Variants in KIAA1671 observed in about 807,000 individuals in gnomAD.
KIAA1671 encodes uncharacterized protein KIAA1671.
Under a neutral mutation model 131.2 loss-of-function variants are expected in KIAA1671, and 52 were observed. The ratio of observed to expected loss-of-function variants is 0.40; its 90% CI spans 0.32 to 0.50. The LOEUF (loss-of-function observed/expected upper bound fraction) is 0.50. Among genes scored for constraint, KIAA1671 ranks in the 20% least tolerant of loss-of-function variants. The probability of loss-of-function intolerance (pLI) is 0.73; values close to 1 mark genes in which losing one functional copy is unlikely to be tolerated. For synonymous variants in KIAA1671, 1,003 were observed against 961.6 expected (o/e 1.04, Z -0.80); for missense variants, 2,360 against 2,364.2 (o/e 1.00, Z 0.04).
chr22:25,183,544 G>GT (rs1934366779), intron 10 of KIAA1671, among the ~76,000 whole-genome samples: 4 of 128,980 alleles, frequency 3.1e-5, no homozygotes, highest in African/African-American at 2.9e-5. Context: ...TTCTTTTTTT[G>GT]TTTTTTGAGA....
chr22:25,173,236 A>G (rs557458019), intron 7 of KIAA1671, among the ~76,000 whole-genome samples: 1 of 151,996 alleles, frequency 6.6e-6, no homozygotes, highest in South Asian at 2.1e-4. Context: ...TCCCCCCACC[A>G]GGCCCTTCCT....
rs1210336079 is a variant in KIAA1671, at chr22:25,090,025, G to A, written c.4530+40661G>A. 3.9e-5 allele frequency among the ~76,000 whole-genome samples: 6 copies of A among 152,142 alleles called. No individual in the cohort carries two copies. In the East Asian group the frequency reaches 1.2e-3, roughly 29 times the overall value. The stretch of plus-strand genomic sequence containing the variant: ...TGGTGCGCTGTCAGACATAAACCAG[G>A]TCTGCTGTCTGCCTCCTGGCTCCTG... On this transcript the variant is annotated intron_variant, in intron 6 of 12. Coordinates refer to ENST00000358431, the MANE Select transcript of KIAA1671 (RefSeq NM_001145206.2).
At chr22:24,973,948 G>A (rs2123817817) in intron 1 of KIAA1671, among the ~76,000 whole-genome samples, 1 of 152,262 alleles carries the variant, frequency 6.6e-6, no homozygotes, top group Admixed American at 6.5e-5. Context: ...TAGCAAGCCG[G>A]TGCTGAATGT....
At chr22:25,088,877 T>TACACACACACACACACGTGC (rs1929874597) in intron 6 of KIAA1671, among the ~76,000 whole-genome samples, 1 of 151,122 alleles carries the variant, frequency 6.6e-6, no homozygotes, top group Admixed American at 6.6e-5. Flanking sequence ...TGTACATATG[T>TACACACACACACACACGTGC]ACACACACAC....
intron 6 of KIAA1671, among the ~76,000 whole-genome samples, chr22:25,084,457 CAAAA>C (rs36090380): frequency 2.9e-4 from 37 of 128,450 alleles, no homozygotes; most frequent in Admixed American, 2.3e-3. Flanking sequence ...GACTCTATCT[CAAAA>C]AAAAAAAAAA....
At chr22:25,038,308 G>C (rs1405308613) in intron 4 of KIAA1671, among the ~76,000 whole-genome samples, 7 of 152,200 alleles carry the variant, frequency 4.6e-5, no homozygotes, top group Non-Finnish European at 8.8e-5. Context: ...GGCTGGATCT[G>C]CCTCTTTCTG....
At chr22:24,987,866 T>C (rs1923636659) in intron 1 of KIAA1671, among the ~76,000 whole-genome samples, 1 of 152,174 alleles carries the variant, frequency 6.6e-6, no homozygotes, top group African/African-American at 2.4e-5. Context: ...AAGTAGAACC[T>C]GGATTTGAGC....
chr22:25,008,200 A>C (rs1303485426), intron 1 of KIAA1671, among the ~76,000 whole-genome samples: 4 of 32,972 alleles, frequency 1.2e-4, no homozygotes, highest in Non-Finnish European at 3.2e-4. Flanking sequence ...TCCGTCGCAA[A>C]AAAAAAAAAA....
intron 1 of KIAA1671, among the ~76,000 whole-genome samples, chr22:24,997,098 T>A (rs930194350): frequency 1.3e-5 from 2 of 152,210 alleles, no homozygotes; most frequent in Non-Finnish European, 2.9e-5. Flanking sequence ...CAGCAAATGT[T>A]TATTGTGTAC....
At chr22:25,188,000 A>AT (rs1264560239) in intron 11 of KIAA1671, among the ~76,000 whole-genome samples, 3 of 152,190 alleles carry the variant, frequency 2.0e-5, no homozygotes, top group Non-Finnish European at 4.4e-5. Context: ...GTGTTCTTCC[A>AT]TTTAAAAACG....
At chr22:25,056,764 G>A (rs1264329405) in intron 6 of KIAA1671, 1 of 138,610 alleles carries the variant, frequency 7.2e-6, no homozygotes, top group South Asian at 2.4e-4. Flanking sequence ...AGTGACCCAA[G>A]ATCGGGCCAC....
chr22:25,004,117 AT>A (rs112970400), intron 1 of KIAA1671, among the ~76,000 whole-genome samples: 27,396 of 140,754 alleles, frequency 0.19, 2,869 homozygotes, highest in Middle Eastern at 0.32. Context: ...GTGCCCGGCC[AT>A]TTTTTTTTTT....
At chr22:24,982,566 G>A (rs1335541452) in intron 1 of KIAA1671, among the ~76,000 whole-genome samples, 1 of 152,208 alleles carries the variant, frequency 6.6e-6, no homozygotes, top group Non-Finnish European at 1.5e-5. Context: ...GGTCTGCATG[G>A]GTGAGGGCCT....
chr22:25,093,814 C>CTCTCTT (rs1930234588), intron 6 of KIAA1671, among the ~76,000 whole-genome samples: 1 of 121,254 alleles, frequency 8.2e-6, no homozygotes, highest in African/African-American at 3.2e-5. Flanking sequence ...CTCTCTCTGT[C>CTCTCTT]TCTCTCTCTT....
chr22:25,115,408 A>G (rs1931600514), intron 6 of KIAA1671, among the ~76,000 whole-genome samples: 1 of 152,186 alleles, frequency 6.6e-6, no homozygotes, highest in African/African-American at 2.4e-5. Flanking sequence ...ACCACGTGCA[A>G]ACTGAGTGAC....
In KIAA1671 at chr22:25,181,041, G is replaced by A. The variant is rs1934253002; in HGVS notation, c.5075-658G>A. Among the ~76,000 whole-genome samples the A allele has an allele frequency of 2.6e-5, 4 of 152,138 alleles. No individual in the cohort carries two copies. In the South Asian group the frequency reaches 8.3e-4, roughly 32 times the overall value. On this transcript the variant is annotated intron_variant, in intron 9 of 12. Coordinates refer to ENST00000358431, the MANE Select transcript of KIAA1671 (RefSeq NM_001145206.2). ...CCTCAGTTCCTCGGGTAGCCCAAGG[G>A]CTCCAGAGCACCAGGTCTTGCCTCT...
At chr22:25,115,755 A>G (rs1931620987) in intron 6 of KIAA1671, among the ~76,000 whole-genome samples, 1 of 151,918 alleles carries the variant, frequency 6.6e-6, no homozygotes, top group South Asian at 2.1e-4. Flanking sequence ...ATTCACTCAT[A>G]TTTTCATTCA....
At chr22:25,117,730 A>G (rs543981467) in intron 6 of KIAA1671, among the ~76,000 whole-genome samples, 5 of 152,108 alleles carry the variant, frequency 3.3e-5, no homozygotes, top group African/African-American at 7.2e-5. Context: ...CATCTCCATC[A>G]GTACTCTCTC....
chr22:24,984,940 A>T (rs1486456187), intron 1 of KIAA1671, among the ~76,000 whole-genome samples: 1 of 145,490 alleles, frequency 6.9e-6, no homozygotes, highest in Non-Finnish European at 1.5e-5. Flanking sequence ...AAAAAAAAGC[A>T]GGCAAACAGC....
Sources: allele counts gnomAD v4.1 joint callset (sites outside exome capture counted in the v4.1 genomes callset), GRCh38; gene constraint gnomAD v4.1.1; transcripts MANE v1.5; gene names NCBI Gene and HGNC (gene_info 2026-07-23, HGNC 2026-07-21).